LRRTM4: variants seen among roughly 807,000 people sequenced by gnomAD.
LRRTM4 encodes the protein leucine-rich repeat transmembrane neuronal protein 4.
LRRTM4 carries 25 observed loss-of-function variants against 47.6 expected under a neutral mutation model. The ratio of observed to expected loss-of-function variants is 0.53; its 90% CI spans 0.38 to 0.73. The LOEUF (loss-of-function observed/expected upper bound fraction) is 0.73. Ranked by LOEUF, LRRTM4 falls within the 30% of genes least tolerant of loss-of-function variation. The pLI is 0.00. For missense variants in LRRTM4, 638 were observed against 713.4 expected, an observed-to-expected ratio of 0.89 and a Z score of 1.20; for synonymous variants, 311 against 269.5, an observed-to-expected ratio of 1.15 and a Z score of -1.51.
intron 3 of LRRTM4, among the ~76,000 whole-genome samples, chr2:76,754,953 A>G (rs1315341668): frequency 6.6e-6 from 1 of 152,174 alleles, no homozygotes; most frequent in Admixed American, 6.5e-5. Context: ...GACCCTAGAT[A>G]TGTAGAATTG....
At chr2:77,515,441 A>G (rs1479705493) in intron 3 of LRRTM4, among the ~76,000 whole-genome samples, 3 of 151,910 alleles carry the variant, frequency 2.0e-5, no homozygotes, top group African/African-American at 7.2e-5. Context: ...AACCATATTT[A>G]GGTCATGGTA....
chr2:76,834,018 T>A (rs55949051), intron 3 of LRRTM4, among the ~76,000 whole-genome samples: 2 of 115,572 alleles, frequency 1.7e-5, no homozygotes, highest in African/African-American at 3.7e-5. Flanking sequence ...TTCATTTATT[T>A]ATTATTTATT....
intron 3 of LRRTM4, among the ~76,000 whole-genome samples, chr2:76,971,651 A>G (rs745638709): frequency 1.3e-5 from 2 of 152,072 alleles, no homozygotes; most frequent in Non-Finnish European, 2.9e-5. Flanking sequence ...TAAAAAGAGA[A>G]TAAGAAGTAA....
At chr2:77,156,524 G>T (rs1236096783) in intron 3 of LRRTM4, among the ~76,000 whole-genome samples, 1 of 151,844 alleles carries the variant, frequency 6.6e-6, no homozygotes, top group Non-Finnish European at 1.5e-5. Flanking sequence ...TAAGTTTAAA[G>T]AAATAATAAT....
chr2:76,792,628 G>T (rs1229175703), intron 3 of LRRTM4, among the ~76,000 whole-genome samples: 1 of 152,074 alleles, frequency 6.6e-6, no homozygotes, highest in Non-Finnish European at 1.5e-5. Context: ...TTTATGGGTA[G>T]TAATGTTGCT....
chr2:77,098,958 T>C (rs904447030), intron 3 of LRRTM4, among the ~76,000 whole-genome samples: 2 of 151,996 alleles, frequency 1.3e-5, no homozygotes, highest in African/African-American at 4.8e-5. Flanking sequence ...TTGGCAATAA[T>C]ATAAAAGTCT....
At chr2:76,909,099 C>T (rs1266820034) in intron 3 of LRRTM4, among the ~76,000 whole-genome samples, 1 of 152,180 alleles carries the variant, frequency 6.6e-6, no homozygotes, top group Admixed American at 6.5e-5. Flanking sequence ...AACTATACTA[C>T]AAGGCTACAG....
intron 3 of LRRTM4, among the ~76,000 whole-genome samples, chr2:77,222,863 C>T (rs941215810): frequency 6.6e-6 from 1 of 152,136 alleles, no homozygotes; most frequent in African/African-American, 2.4e-5. Context: ...TTTATGAGGT[C>T]AGCATCATCC....
At chr2:77,153,985 G>T (rs1467469620) in intron 3 of LRRTM4, among the ~76,000 whole-genome samples, 1 of 152,136 alleles carries the variant, frequency 6.6e-6, no homozygotes, top group Non-Finnish European at 1.5e-5. Context: ...TTATTTCACA[G>T]GTGTTTAGGA....
At chr2:76,780,571 T>A (rs1405079672) in intron 3 of LRRTM4, among the ~76,000 whole-genome samples, 6 of 152,198 alleles carry the variant, frequency 3.9e-5, no homozygotes, top group Non-Finnish European at 5.9e-5. Flanking sequence ...GGCTTCTGCA[T>A]TCTTCACGTA....
chr2:77,046,999 A>G (rs1432275300), intron 3 of LRRTM4, among the ~76,000 whole-genome samples: 1 of 152,066 alleles, frequency 6.6e-6, no homozygotes, highest in Non-Finnish European at 1.5e-5. Context: ...CAAATGTCCA[A>G]TAATAAAGAT....
chr2:77,517,629 A>C, intron 3 of LRRTM4: 1 of 984,560 alleles, frequency 1.0e-6, no homozygotes, highest in South Asian at 4.7e-5. Flanking sequence ...ACAAACAAAC[A>C]AACAAAAAAA....
At chr2:76,895,774 T>C (rs1452439353) in intron 3 of LRRTM4, among the ~76,000 whole-genome samples, 1 of 146,694 alleles carries the variant, frequency 6.8e-6, no homozygotes, top group Non-Finnish European at 1.5e-5. Context: ...TTCTGTTTTT[T>C]ATAAAAAATT....
rs1048530957 is a variant in LRRTM4 at position 76,754,049 on chromosome 2, A to G, written c.1552-5133T>C. 9.3e-4 allele frequency among the ~76,000 whole-genome samples: 142 copies of G among 152,156 alleles called. 1 individual carries two copies. The highest frequency in any genetic ancestry group is 1.5e-4 in the Non-Finnish European group (10 of 68,022). On this transcript the variant is annotated intron_variant, in intron 3 of 3. Transcript: ENST00000409884. ...ATAAAAAGTTGATTTTCAATTTTCT[A>G]AATGACATTTCATCTCTAATTTTCA... is the stretch of plus-strand genomic sequence containing the variant.
rs1014395390 is a variant in LRRTM4 at position 76,942,651 on chromosome 2, G to A, written c.1552-193735C>T. Among the ~76,000 whole-genome samples the A allele has an allele frequency of 3.6e-5, 5 of 140,482 alleles. No homozygotes were observed. The East Asian group carries it at 6.3e-4, about 18-fold the overall frequency. The allele number at this position is 140,482 out of a possible 152,430, so 92.2% of individuals were successfully genotyped here. A position where few individuals can be genotyped will look rare whatever the true frequency, so the allele number is the denominator to read the frequency against. On this transcript the variant is annotated intron_variant, in intron 3 of 3. Coordinates refer to ENST00000409884, the MANE Select transcript of LRRTM4 (RefSeq NM_001134745.3). ...TTTACTATATTTACAATGGAACCTT[G>A]GTCAAGTAACCAACCTCTAGGAATC...
chr2:76,903,748 G>T (rs1056680543), intron 3 of LRRTM4, among the ~76,000 whole-genome samples: 1 of 152,042 alleles, frequency 6.6e-6, no homozygotes, highest in Non-Finnish European at 1.5e-5. Flanking sequence ...AACAAATCAT[G>T]GAAATGGCAC....
chr2:77,362,107 AAGAAAG>A (rs1558707146), intron 3 of LRRTM4, among the ~76,000 whole-genome samples: 1 of 135,612 alleles, frequency 7.4e-6, no homozygotes, highest in African/African-American at 2.8e-5. Context: ...AAAGGAAAGA[AAGAAAG>A]AGAGAAAGAA....
chr2:77,520,542 A>G (rs551536906), intron 2 of LRRTM4, among the ~76,000 whole-genome samples: 5 of 152,238 alleles, frequency 3.3e-5, no homozygotes, highest in Non-Finnish European at 5.9e-5. Flanking sequence ...TCCCTGCCCA[A>G]CGATACAGGA....
chr2:77,081,723 A>C (rs1332592929), intron 3 of LRRTM4, among the ~76,000 whole-genome samples: 2 of 152,168 alleles, frequency 1.3e-5, no homozygotes, highest in African/African-American at 4.8e-5. Context: ...TAGGCTTTTA[A>C]AAAATTGTTC....
Sources: gnomAD v4.1 joint callset for allele counts (sites outside exome capture counted in the v4.1 genomes callset) on GRCh38, gnomAD v4.1.1 for gene constraint, MANE v1.5 for transcripts, NCBI Gene and HGNC (gene_info 2026-07-23, HGNC 2026-07-21) for gene names.